HNRNPC: variants seen among roughly 807,000 people sequenced by gnomAD.
HNRNPC encodes heterogeneous nuclear ribonucleoprotein C.
A neutral mutation model predicts 33.2 loss-of-function variants in HNRNPC; 3 were observed. The observed-to-expected ratio is 0.09, with a 90% CI of 0.04 to 0.23. HNRNPC has a LOEUF of 0.23. Ranked by LOEUF, HNRNPC falls within the 10% of genes least tolerant of loss-of-function variation. The probability of loss-of-function intolerance (pLI) is 1.00; values close to 1 mark genes in which losing one functional copy is unlikely to be tolerated. For missense variants in HNRNPC, 143 were observed against 366.7 expected (o/e 0.39, Z 4.98); for synonymous variants, 121 against 126.7 (o/e 0.96, Z 0.30).
intron 2 of HNRNPC, among the ~76,000 whole-genome samples, chr14:21,257,560 A>AG (rs1555360301): frequency 4.0e-5 from 6 of 151,314 alleles, no homozygotes; most frequent in African/African-American, 9.7e-5. Context: ...TATAAGTCTT[A>AG]GAAAAAAAAA....
At chr14:21,249,805 A>C (rs879220693) in intron 2 of HNRNPC, among the ~76,000 whole-genome samples, 1 of 152,110 alleles carries the variant, frequency 6.6e-6, no homozygotes, top group African/African-American at 2.4e-5. Flanking sequence ...TCTAACGTAG[A>C]GCAACTTCTG....
At chr14:21,211,711 AT>A in intron 7 of HNRNPC, 98 bp downstream of exon 7, 1 of 1,417,078 alleles carries the variant, frequency 7.1e-7, no homozygotes, top group South Asian at 1.2e-5. Context: ...CAAGTTTCAT[AT>A]TACATTGCTT....
intron 5 of HNRNPC, among the ~76,000 whole-genome samples, chr14:21,225,912 T>A (rs530385341): frequency 7.2e-5 from 11 of 152,250 alleles, no homozygotes; most frequent in Non-Finnish European, 1.5e-4. Flanking sequence ...ATATATCTAG[T>A]TTATATCTAG....
At chr14:21,241,953 T>C (rs6571733) in intron 2 of HNRNPC, among the ~76,000 whole-genome samples, 27,728 of 152,118 alleles carry the variant, frequency 0.18, 2,958 homozygotes, top group African/African-American at 0.27. Flanking sequence ...TAAGACCTTG[T>C]ACATCATGGT....
chr14:21,233,646 T>C (rs1012554788), intron 3 of HNRNPC, among the ~76,000 whole-genome samples: 45 of 152,240 alleles, frequency 3.0e-4, no homozygotes, highest in African/African-American at 1.0e-3. Context: ...AGAGGGCTCC[T>C]CCAGTCTGCT....
At chr14:21,262,106 T>C (rs560374772) in intron 2 of HNRNPC, among the ~76,000 whole-genome samples, 5 of 152,328 alleles carry the variant, frequency 3.3e-5, no homozygotes, top group Non-Finnish European at 7.3e-5. Flanking sequence ...TCAAAAAGCC[T>C]ACCTTTTTTC....
chr14:21,215,043 C>T (rs538314346), intron 5 of HNRNPC, among the ~76,000 whole-genome samples: 2 of 152,312 alleles, frequency 1.3e-5, no homozygotes, highest in South Asian at 2.1e-4. Context: ...CCTACTATTT[C>T]GTCTGACCAC....
chr14:21,254,815 A>T (rs542266997), intron 2 of HNRNPC, among the ~76,000 whole-genome samples: 1 of 152,108 alleles, frequency 6.6e-6, no homozygotes, highest in Non-Finnish European at 1.5e-5. Flanking sequence ...CTGAGGCAGG[A>T]GAATCACTTG....
intron 2 of HNRNPC, among the ~76,000 whole-genome samples, chr14:21,256,019 G>A (rs1877129353): frequency 6.6e-6 from 1 of 152,238 alleles, no homozygotes. Flanking sequence ...GAAGGCCAGT[G>A]TGGCTGAAGC....
At chr14:21,269,140 A>G (rs1301082017) in intron 1 of HNRNPC, among the ~76,000 whole-genome samples, 158 bp downstream of exon 1, 1 of 152,112 alleles carries the variant, frequency 6.6e-6, no homozygotes, top group Non-Finnish European at 1.5e-5. Flanking sequence ...GCTGAGGCCT[A>G]TAAAACTGCC....
chr14:21,265,731 T>A (rs540797419), intron 1 of HNRNPC, among the ~76,000 whole-genome samples: 5 of 152,300 alleles, frequency 3.3e-5, no homozygotes, highest in East Asian at 1.9e-4. Flanking sequence ...TGAGCTGAGA[T>A]GACACTACTG....
chr14:21,230,261 A>C (rs1893965418), intron 5 of HNRNPC, 58 bp downstream of exon 5: 1 of 1,249,238 alleles, frequency 8.0e-7, no homozygotes, highest in African/African-American at 1.5e-5. Flanking sequence ...AAACCAGAAG[A>C]ACGAAATGGT....
chr14:21,231,689 T>C (rs1388060321), intron 3 of HNRNPC, among the ~76,000 whole-genome samples: 1 of 152,180 alleles, frequency 6.6e-6, no homozygotes, highest in Non-Finnish European at 1.5e-5. Context: ...TTCTTTACCA[T>C]TCAAGTGTTC....
intron 5 of HNRNPC, among the ~76,000 whole-genome samples, chr14:21,227,272 AT>A (rs1893574551): frequency 6.6e-6 from 1 of 151,536 alleles, no homozygotes; most frequent in South Asian, 2.1e-4. Flanking sequence ...CAATTCCTCA[AT>A]TCTCCAACCC....
intron 2 of HNRNPC, 81 bp from the exon 3 acceptor site, chr14:21,234,310 G>GA (rs1161190159): frequency 5.0e-5 from 65 of 1,289,662 alleles, no homozygotes; most frequent in Non-Finnish European, 6.8e-5. Context: ...CTCTCACTCT[G>GA]AATCACTGTT....
intron 5 of HNRNPC, among the ~76,000 whole-genome samples, chr14:21,219,047 T>A (rs770780111): frequency 5.6e-4 from 83 of 148,506 alleles, no homozygotes; most frequent in Non-Finnish European, 9.3e-4. Context: ...GAAGCAGAGG[T>A]TGCAGTAAGC....
At chr14:21,242,189 A>G (rs189230596) in intron 2 of HNRNPC, among the ~76,000 whole-genome samples, 61 of 152,216 alleles carry the variant, frequency 4.0e-4, no homozygotes, top group Admixed American at 4.0e-3. Flanking sequence ...ATATATAATA[A>G]TAATAAGGTG....
At chr14:21,223,868 G>C (rs543364219) in intron 5 of HNRNPC, among the ~76,000 whole-genome samples, 1 of 152,260 alleles carries the variant, frequency 6.6e-6, no homozygotes, top group Admixed American at 6.5e-5. Flanking sequence ...GTTCCCAAAA[G>C]AAAGATATAA....
At chr14:21,219,811 C>G (rs1892626331) in intron 5 of HNRNPC, among the ~76,000 whole-genome samples, 1 of 152,152 alleles carries the variant, frequency 6.6e-6, no homozygotes, top group African/African-American at 2.4e-5. Context: ...CCAAACGGAT[C>G]AACTTTAACA....
Sources: gnomAD v4.1 joint callset for allele counts (sites outside exome capture counted in the v4.1 genomes callset) on GRCh38, gnomAD v4.1.1 for gene constraint, MANE v1.5 for transcripts, NCBI Gene and HGNC (gene_info 2026-07-23, HGNC 2026-07-21) for gene names.